Variants in GSR observed in about 807,000 individuals in gnomAD.
GSR encodes the protein glutathione-disulfide reductase.
In GSR, 48 loss-of-function variants were observed where a neutral mutation model predicts 56.5. The ratio of observed to expected loss-of-function variants is 0.85; its 90% CI spans 0.67 to 1.08. The LOEUF is 1.08. Among genes scored for constraint, GSR ranks in the 50% least tolerant of loss-of-function variants. The pLI, the probability that GSR is intolerant of heterozygous loss-of-function variation, is 0.00. For synonymous variants in GSR, 264 were observed against 270.8 expected (o/e 0.97, Z 0.25); for missense variants, 694 against 703.3 (o/e 0.99, Z 0.15).
chr8:30,684,984 T>G (rs1045731914), intron 9 of GSR, among the ~76,000 whole-genome samples: 8 of 124,836 alleles, frequency 6.4e-5, no homozygotes, highest in East Asian at 2.4e-4. Flanking sequence ...TTTATTTATT[T>G]ATTGAGATGG....
At chr8:30,699,993 T>C (rs1355289736) in intron 6 of GSR, 88 bp downstream of exon 6, 6 of 932,944 alleles carry the variant, frequency 6.4e-6, no homozygotes, top group Admixed American at 3.4e-5. Flanking sequence ...AAGGCCTACA[T>C]TAAATGCTTG....
intron 1 of GSR, among the ~76,000 whole-genome samples, chr8:30,722,653 G>A (rs1268504166): frequency 6.7e-6 from 1 of 149,858 alleles, no homozygotes; most frequent in East Asian, 2.0e-4. Context: ...GGTCACTTGA[G>A]CTTGGGAGTT....
At chr8:30,705,753 T>C (rs968069837) in intron 4 of GSR, among the ~76,000 whole-genome samples, 1 of 151,886 alleles carries the variant, frequency 6.6e-6, no homozygotes, top group African/African-American at 2.4e-5. Context: ...AAAATAAAAA[T>C]AAAAAACTTG....
intron 10 of GSR, 144 bp from the exon 11 acceptor site, chr8:30,682,205 T>A (rs1172556060): frequency 3.2e-5 from 24 of 744,888 alleles, no homozygotes; most frequent in Non-Finnish European, 1.2e-5. Context: ...CTAGATAGTT[T>A]AATACAGCGA....
intron 1 of GSR, among the ~76,000 whole-genome samples, chr8:30,718,351 A>G (rs1804414506): frequency 6.6e-6 from 1 of 152,132 alleles, no homozygotes; most frequent in Non-Finnish European, 1.5e-5. Flanking sequence ...TAGTGGCTAG[A>G]GGTGGGTGAG....
intron 7 of GSR, 83 bp downstream of exon 7, chr8:30,696,297 A>T: frequency 2.1e-6 from 2 of 935,112 alleles, no homozygotes; most frequent in Non-Finnish European, 3.6e-6. Context: ...TTTGCACCCT[A>T]GTATTTAACG....
chr8:30,689,294 G>T lies in GSR; in HGVS notation c.908C>A (p.Ser303Ter). Residue 303 changes from serine (S) to a stop codon, truncating the protein, a stop_gained, in exon 9 of 13, where the codon TCG (serine) becomes TAG (stop). Coordinates refer to ENST00000221130, the MANE Select transcript of GSR (RefSeq NM_000637.5). LOFTEE classifies it high-confidence loss of function. ...AGTAACCATGCTGACTTCCAAGCCC[G>T]ACAAAGTCTTTTTAACCTCCTTGAC... is the stretch of plus-strand genomic sequence containing the variant. ...SQVKEVKKTL[S>*]GLEVSMVTAV... 3 of 1,613,988 alleles carry T rather than the reference G, an allele frequency of 1.9e-6. No individual in the cohort carries two copies. The highest frequency in any genetic ancestry group is 2.5e-6 in the Non-Finnish European group (3 of 1,179,868).
chr8:30,719,721 T>A (rs972350204), intron 1 of GSR, among the ~76,000 whole-genome samples: 10 of 152,064 alleles, frequency 6.6e-5, no homozygotes, highest in Non-Finnish European at 1.0e-4. Flanking sequence ...GTGTTCAGAA[T>A]CCCGATCAGT....
rs1484431076 is a variant in GSR at position 30,689,156 on chromosome 8, C to T, written c.1041+5G>A. On this transcript the variant is annotated splice_donor_5th_base_variant and intron_variant, in intron 9 of 12. Coordinates refer to ENST00000221130, the MANE Select transcript of GSR (RefSeq NM_000637.5). ...AAATGTTTCGGGCAGACCAAGCCAG[C>T]TTACCAGTTTGTTTAAACTCAGGTC... is the stretch of plus-strand genomic sequence containing the variant. 1.2e-6 allele frequency: 2 copies of T among 1,613,826 alleles called. No individual in the cohort carries two copies. Among genetic ancestry groups the T allele is most frequent in the South Asian group, 2.2e-5 (2 of 91,076 alleles).
intron 1 of GSR, among the ~76,000 whole-genome samples, chr8:30,715,709 T>C (rs1276547376): frequency 6.6e-6 from 1 of 152,192 alleles, no homozygotes; most frequent in Non-Finnish European, 1.5e-5. Flanking sequence ...ACATAAATAC[T>C]GCTGGTCTTC....
chr8:30,727,537 C>T lies in GSR; in HGVS notation c.299G>A (p.Gly100Asp). The T allele has an allele frequency of 6.5e-7, 1 of 1,537,468 alleles. No homozygotes were observed. The highest frequency in any genetic ancestry group is 8.7e-7 in the Non-Finnish European group (1 of 1,145,148). ...AAVVESHKLG[G>D]TCVNVGCVPK... ...CAAACCGGCGGTACTCACGCAAGTG[C>T]CACCCAGCTTGTGGCTCTCCACCAC... The change falls in exon 1 of 13, where the codon GGC becomes GAC. Residue 100 changes from glycine (G) to aspartate (D), a missense_variant. By Grantham distance (94) the Gly-to-Asp change is moderately conservative. Coordinates refer to ENST00000221130, the MANE Select transcript of GSR (RefSeq NM_000637.5).
chr8:30,697,862 T>C (rs1205941383), intron 6 of GSR, among the ~76,000 whole-genome samples: 1 of 151,930 alleles, frequency 6.6e-6, no homozygotes, highest in African/African-American at 2.4e-5. Context: ...CTAATTTTTG[T>C]ATTTTTTTTG....
chr8:30,680,864 T>C, intron 12 of GSR, 40 bp downstream of exon 12: 1 of 1,599,048 alleles, frequency 6.3e-7, no homozygotes, highest in Non-Finnish European at 8.5e-7. Flanking sequence ...TCCCTGTCCA[T>C]TTTGCAAGGC....
chr8:30,690,158 A>ATATT (rs372406720), intron 8 of GSR, among the ~76,000 whole-genome samples: 96,235 of 138,592 alleles, frequency 0.69, 34,616 homozygotes, highest in East Asian at 0.87. Context: ...ATAAAATAAT[A>ATATT]TATTTATTTA....
At chr8:30,695,338 C>A (rs188069513) in intron 7 of GSR, among the ~76,000 whole-genome samples, 1 of 152,028 alleles carries the variant, frequency 6.6e-6, no homozygotes, top group East Asian at 1.9e-4. Context: ...TGGGTTCAGG[C>A]GATTCTTATG....
intron 1 of GSR, among the ~76,000 whole-genome samples, chr8:30,723,664 C>A (rs898822099): frequency 6.6e-6 from 1 of 151,744 alleles, no homozygotes; most frequent in African/African-American, 2.4e-5. Context: ...TGGTGGCCTG[C>A]GCCTGTAGTC....
chr8:30,697,449 AC>A (rs1563533772), intron 6 of GSR, among the ~76,000 whole-genome samples: 26 of 151,876 alleles, frequency 1.7e-4, no homozygotes, highest in African/African-American at 6.0e-4. Context: ...AAACAAACAA[AC>A]AAAAAACCCC....
intron 1 of GSR, among the ~76,000 whole-genome samples, chr8:30,717,174 T>A (rs557862854): frequency 6.6e-6 from 1 of 151,604 alleles, no homozygotes. Flanking sequence ...GAGGTGGAGG[T>A]TGCCGTGAGC....
rs879297885 is a variant in GSR, at chr8:30,681,530, G to GA, written c.1285+399dup. ...ACAGTGGGAGAGCTTGTCTCAAAAA[G>GA]AAAAAAAAAAAGAAAATGATACTCG... On this transcript the variant is annotated intron_variant, in intron 11 of 12. Transcript: ENST00000221130. Among the ~76,000 whole-genome samples, 691 of 131,110 alleles carry GA rather than the reference G, an allele frequency of 5.3e-3. 1 individual carries two copies. Among genetic ancestry groups the GA allele is most frequent in the Admixed American group, 8.5e-3 (111 of 12,996 alleles). The allele number at this position is 131,110 out of a possible 152,430, so 86.0% of individuals were successfully genotyped here.
Sources: gnomAD v4.1 joint callset for allele counts (sites outside exome capture counted in the v4.1 genomes callset) on GRCh38, gnomAD v4.1.1 for gene constraint, MANE v1.5 for transcripts, NCBI Gene and HGNC (gene_info 2026-07-23, HGNC 2026-07-21) for gene names.